C1orf21: variants seen among roughly 807,000 people sequenced by gnomAD.
C1orf21 encodes chromosome 1 open reading frame 21, also known as uncharacterized protein C1orf21.
A neutral mutation model predicts 18.7 loss-of-function variants in C1orf21; 3 were observed. That is an observed-to-expected ratio of 0.16 (90% CI 0.07 to 0.42). The LOEUF (loss-of-function observed/expected upper bound fraction) is 0.42. C1orf21 is among the 10% of genes least tolerant of loss of function. C1orf21 has a pLI of 0.99. For missense variants in C1orf21, 104 were observed against 143.6 expected (o/e 0.72, Z 1.41); for synonymous variants, 41 against 46.4 (o/e 0.88, Z 0.47).
At chr1:184,410,266 A>G (rs928745772) in intron 1 of C1orf21, among the ~76,000 whole-genome samples, 20 of 152,160 alleles carry the variant, frequency 1.3e-4, no homozygotes, top group Admixed American at 3.3e-4. Flanking sequence ...TTATCTTGAC[A>G]GGATTATGCT....
At chr1:184,484,693 A>G (rs541585863) in intron 2 of C1orf21, among the ~76,000 whole-genome samples, 10 of 152,338 alleles carry the variant, frequency 6.6e-5, no homozygotes, top group African/African-American at 1.4e-4. Flanking sequence ...GTTTATAAAC[A>G]TCCCTTTAAA....
chr1:184,589,015 T>C (rs1410882164), intron 3 of C1orf21, among the ~76,000 whole-genome samples: 1 of 152,180 alleles, frequency 6.6e-6, no homozygotes, highest in Non-Finnish European at 1.5e-5. Context: ...AAGAAAGACT[T>C]GCTGAGGCAA....
chr1:184,559,476 CTCCTTCCTTCCTTCCTTCCT>C lies in C1orf21; in HGVS notation c.190-31255_190-31236del, dbSNP rs541806211. On this transcript the variant is annotated intron_variant, in intron 3 of 5. Coordinates refer to ENST00000235307, the MANE Select transcript of C1orf21 (RefSeq NM_030806.4). ...AGGCATCTTTCTTTCTCTCCTTTCC[CTCCTTCCTTCCTTCCTTCCT>C]TCCTTCCCCCCTTCCTTCCTTCCTT... Among the ~76,000 whole-genome samples, 56 of 126,576 alleles carry C rather than the reference CTCCTTCCTTCCTTCCTTCCT, an allele frequency of 4.4e-4. 2 individuals carry two copies. The highest frequency in any genetic ancestry group is 1.8e-3 in the African/African-American group (55 of 29,790). 83.0% of individuals were successfully genotyped at this position (126,576 alleles called of 152,430 possible). A position where few individuals can be genotyped will look rare whatever the true frequency, so the allele number is the denominator to read the frequency against.
chr1:184,596,885 A>AAG (rs1553258562), intron 4 of C1orf21, among the ~76,000 whole-genome samples: 33 of 148,972 alleles, frequency 2.2e-4, no homozygotes, highest in East Asian at 4.0e-4. Context: ...AAAAAAAAAA[A>AAG]AAAGAAAGAA....
intron 1 of C1orf21, among the ~76,000 whole-genome samples, chr1:184,391,717 C>CT (rs574330395): frequency 2.2e-3 from 323 of 145,210 alleles, no homozygotes; most frequent in African/African-American, 6.7e-3. Context: ...TTCTTTCTTT[C>CT]TTTTTTTTTT....
chr1:184,423,902 AATCT>A (rs1656588816), intron 1 of C1orf21, among the ~76,000 whole-genome samples: 1 of 129,460 alleles, frequency 7.7e-6, no homozygotes. Context: ...TCCATCCATC[AATCT>A]ATCATTTAAG....
In C1orf21 at chr1:184,408,591, G is replaced by T. The variant is rs769239548; in HGVS notation, c.-125+21223G>T. ...TTATTTTGAATCCAGATCAACAAAG[G>T]TTATTATTTGGGTCATTTGTTAGGG... On this transcript the variant is annotated intron_variant, in intron 1 of 5. Coordinates refer to ENST00000235307, the MANE Select transcript of C1orf21 (RefSeq NM_030806.4). Among the ~76,000 whole-genome samples the T allele has an allele frequency of 3.3e-5, 5 of 152,232 alleles. 1 individual carries two copies. The East Asian group carries it at 9.6e-4, about 29-fold the overall frequency.
intron 3 of C1orf21, among the ~76,000 whole-genome samples, chr1:184,580,832 C>A (rs1466995231): frequency 1.3e-5 from 2 of 152,172 alleles, no homozygotes; most frequent in African/African-American, 2.4e-5. Context: ...CTAGTCAGTA[C>A]AAATTTATTT....
intron 3 of C1orf21, chr1:184,568,342 A>C: frequency 2.3e-6 from 1 of 437,356 alleles, no homozygotes; most frequent in South Asian, 1.7e-5. Context: ...TCATCTTGCA[A>C]AACTTAAACT....
chr1:184,615,574 C>T (rs1234259586), intron 5 of C1orf21, among the ~76,000 whole-genome samples: 1 of 152,190 alleles, frequency 6.6e-6, no homozygotes, highest in African/African-American at 2.4e-5. Flanking sequence ...CTGTGTATCT[C>T]CCAAACCCGG....
At chr1:184,580,914 C>T (rs1659265936) in intron 3 of C1orf21, among the ~76,000 whole-genome samples, 3 of 152,062 alleles carry the variant, frequency 2.0e-5, no homozygotes, top group Admixed American at 2.0e-4. Context: ...TTTTTGAAAA[C>T]TCCCTATGTA....
chr1:184,425,047 T>G (rs564550871), intron 1 of C1orf21, among the ~76,000 whole-genome samples: 1 of 152,314 alleles, frequency 6.6e-6, no homozygotes, highest in Admixed American at 6.5e-5. Flanking sequence ...TGTCACACCA[T>G]TGGCTTTGCC....
intron 1 of C1orf21, among the ~76,000 whole-genome samples, chr1:184,446,794 A>T (rs1171744052): frequency 1.3e-4 from 19 of 149,908 alleles, no homozygotes; most frequent in Admixed American, 1.3e-3. Flanking sequence ...GATTTTAAGG[A>T]CTTATTGTTA....
chr1:184,460,109 G>C (rs1012953894), intron 1 of C1orf21, among the ~76,000 whole-genome samples: 7 of 152,092 alleles, frequency 4.6e-5, no homozygotes, highest in African/African-American at 1.7e-4. Flanking sequence ...ACACTTCCTT[G>C]GTGGCAAATT....
At chr1:184,582,817 G>T (rs1213862507) in intron 3 of C1orf21, among the ~76,000 whole-genome samples, 5 of 151,982 alleles carry the variant, frequency 3.3e-5, no homozygotes, top group African/African-American at 1.2e-4. Flanking sequence ...AGGTTTGAGG[G>T]AATGTTTTTT....
At chr1:184,548,901 T>C (rs1448063882) in intron 3 of C1orf21, among the ~76,000 whole-genome samples, 1 of 152,186 alleles carries the variant, frequency 6.6e-6, no homozygotes, top group Non-Finnish European at 1.5e-5. Flanking sequence ...ATTACCATAG[T>C]TATCAGACCC....
chr1:184,484,225 C>G (rs1657700501), intron 2 of C1orf21, among the ~76,000 whole-genome samples: 1 of 152,082 alleles, frequency 6.6e-6, no homozygotes, highest in African/African-American at 2.4e-5. Flanking sequence ...TTGTTTTGTA[C>G]TCTGTTCCTT....
intron 3 of C1orf21, among the ~76,000 whole-genome samples, chr1:184,528,995 C>T (rs562440379): frequency 2.2e-4 from 34 of 152,126 alleles, no homozygotes; most frequent in Admixed American, 1.4e-3. Flanking sequence ...TTGCCTGGTG[C>T]CTTCCACCAG....
chr1:184,488,997 A>G (rs936394723), intron 2 of C1orf21, among the ~76,000 whole-genome samples: 1 of 152,178 alleles, frequency 6.6e-6, no homozygotes, highest in African/African-American at 2.4e-5. Context: ...CTGTAAAAGT[A>G]CTACAAAAAA....
Sources: gnomAD v4.1 joint callset for allele counts (sites outside exome capture counted in the v4.1 genomes callset) on GRCh38, gnomAD v4.1.1 for gene constraint, MANE v1.5 for transcripts, NCBI Gene and HGNC (gene_info 2026-07-23, HGNC 2026-07-21) for gene names.